Variants in KIF20B observed in about 807,000 individuals in gnomAD.
The protein encoded by KIF20B is kinesin family member 20B, also known as kinesin-like protein KIF20B.
KIF20B carries 188 observed loss-of-function variants against 232.5 expected under a neutral mutation model. The ratio of observed to expected loss-of-function variants is 0.81; its 90% CI spans 0.72 to 0.91. KIF20B has a LOEUF of 0.91. Among genes scored for constraint, KIF20B ranks in the 40% least tolerant of loss-of-function variants. KIF20B has a pLI of 0.00. For synonymous variants in KIF20B, 712 were observed against 683.0 expected (o/e 1.04, Z -0.66); for missense variants, 2,154 against 2,055.9 (o/e 1.05, Z -0.92).
intron 29 of KIF20B, among the ~76,000 whole-genome samples, chr10:89,765,387 G>A (rs948222009): frequency 3.9e-5 from 6 of 152,100 alleles, no homozygotes; most frequent in Non-Finnish European, 5.9e-5. Flanking sequence ...AATAAAAGTG[G>A]ATACAAACAA....
chr10:89,714,036 C>A lies in KIF20B; in HGVS notation c.676-11C>A. On this transcript the variant is annotated splice_polypyrimidine_tract_variant and intron_variant, in intron 6 of 32. Transcript: ENST00000371728. Reference sequence around the variant, plus strand: ...TGTTTTTTTAATTTTTTAAAACAATCTTTTTTTTAGGTTACTGTGCATAAT... The same window carrying A: ...TGTTTTTTTAATTTTTTAAAACAATATTTTTTTTAGGTTACTGTGCATAAT... 2.2e-6 allele frequency: 3 copies of A among 1,348,178 alleles called. No individual in the cohort carries two copies. The highest frequency in any genetic ancestry group is 3.0e-6 in the Non-Finnish European group (3 of 994,998). The allele number at this position is 1,348,178 out of a possible 1,614,324, so 83.5% of individuals were successfully genotyped here.
chr10:89,752,595 T>C lies in KIF20B; in HGVS notation c.4251T>C (p.Asn1417=). 6.2e-7 allele frequency: 1 copy of C among 1,603,632 alleles called. No individual in the cohort carries two copies. Among genetic ancestry groups the C allele is most frequent in the East Asian group, 2.3e-5 (1 of 44,226 alleles). Residue 1417 remains asparagine, a synonymous_variant, in exon 25 of 33, where the codon AAT becomes AAC. Transcript: ENST00000371728. ...TGGAAAAATGGAAGGAAAAATGCAA[T>C]GATTTGGAAACCAAAAACAATCAAA... ...TELEKWKEKC[N]DLETKNNQRS...
intron 23 of KIF20B, among the ~76,000 whole-genome samples, chr10:89,749,729 TGTATCCGTACTTTATTCCTTG>T (rs1589875017): frequency 6.6e-6 from 1 of 152,218 alleles, no homozygotes; most frequent in East Asian, 1.9e-4. Context: ...ATATTGTGTA[TGTATCCGTACTTTATTCCTTG>T]CTATGGCTGA....
At chr10:89,722,832 A>G (rs1843095758) in intron 13 of KIF20B, among the ~76,000 whole-genome samples, 1 of 152,130 alleles carries the variant, frequency 6.6e-6, no homozygotes, top group African/African-American at 2.4e-5. Flanking sequence ...AAGAAAATCT[A>G]AATATAAAGA....
chr10:89,744,629 A>G (rs1841873184), intron 22 of KIF20B, among the ~76,000 whole-genome samples: 1 of 152,202 alleles, frequency 6.6e-6, no homozygotes, highest in Non-Finnish European at 1.5e-5. Context: ...TTTAAAAATG[A>G]TATTTAAAAG....
At chr10:89,711,604 A>G (rs1842838462) in intron 6 of KIF20B, among the ~76,000 whole-genome samples, 1 of 151,988 alleles carries the variant, frequency 6.6e-6, no homozygotes, top group Admixed American at 6.5e-5. Flanking sequence ...AGAGCTTTCT[A>G]TCTGTATATA....
At position 89,738,002 on chromosome 10, in the gene KIF20B, A is replaced by G. The variant is rs1296038031; in HGVS notation, c.3161A>G (p.His1054Arg). ...GAACCCAATAGGGAAAATTCTTTCCACTCTAGTATTGAAGCTATTTGGGAA... is the reference window on the plus strand; with the variant it reads ...GAACCCAATAGGGAAAATTCTTTCCGCTCTAGTATTGAAGCTATTTGGGAA... The part of the protein sequence containing the change: ...IQEPNRENSF[H>R]SSIEAIWEEC... The change falls in exon 20 of 33, where the codon CAC becomes CGC. Residue 1054 changes from histidine (H) to arginine (R), a missense_variant. His to Arg is a conservative substitution (Grantham distance 29). Coordinates refer to ENST00000371728, the MANE Select transcript of KIF20B (RefSeq NM_001284259.2). 6.2e-7 allele frequency: 1 copy of G among 1,613,168 alleles called. No homozygotes were observed. Among genetic ancestry groups the G allele is most frequent in the South Asian group, 1.1e-5 (1 of 90,958 alleles).
At chr10:89,765,039 T>G (rs911209555) in intron 29 of KIF20B, among the ~76,000 whole-genome samples, 3 of 151,720 alleles carry the variant, frequency 2.0e-5, no homozygotes, top group African/African-American at 7.3e-5. Flanking sequence ...GGTCTAACGT[T>G]TAAGTCTTTA....
chr10:89,755,107 G>A (rs537241640), intron 26 of KIF20B, among the ~76,000 whole-genome samples: 1 of 152,312 alleles, frequency 6.6e-6, no homozygotes, highest in South Asian at 2.1e-4. Context: ...TGTAGGTCTT[G>A]TAATGATTGT....
chr10:89,710,192 C>A, intron 5 of KIF20B, 127 bp downstream of exon 5: 7 of 721,002 alleles, frequency 9.7e-6, no homozygotes, highest in East Asian at 3.1e-5. Context: ...TTTAATAGTA[C>A]TAGCATATTA....
At chr10:89,727,258 C>T (rs201756064) in intron 16 of KIF20B, among the ~76,000 whole-genome samples, 51 of 131,728 alleles carry the variant, frequency 3.9e-4, no homozygotes, top group African/African-American at 1.0e-3. Context: ...TCTTCCCCCC[C>T]CCTTTTTTTT....
intron 9 of KIF20B, among the ~76,000 whole-genome samples, chr10:89,716,787 G>A (rs1161486578): frequency 6.6e-6 from 1 of 152,112 alleles, no homozygotes; most frequent in Non-Finnish European, 1.5e-5. Flanking sequence ...CTTTCTTTAT[G>A]TCAGTATCTA....
chr10:89,710,073 T>C lies in KIF20B; in HGVS notation c.490+8T>C. On this transcript the variant is annotated splice_region_variant and intron_variant, in intron 5 of 32. Coordinates refer to ENST00000371728, the MANE Select transcript of KIF20B (RefSeq NM_001284259.2). Reference sequence around the variant, plus strand: ...AAACATATACATTTCAAGGTAAATATTGTTTTATTTTGGTTGGAAAGGATA... The same window carrying C: ...AAACATATACATTTCAAGGTAAATACTGTTTTATTTTGGTTGGAAAGGATA... The C allele has an allele frequency of 1.3e-6, 2 of 1,594,106 alleles. No individual in the cohort carries two copies. Among genetic ancestry groups the C allele is most frequent in the Non-Finnish European group, 1.7e-6 (2 of 1,173,548 alleles).
intron 23 of KIF20B, among the ~76,000 whole-genome samples, chr10:89,747,824 C>T (rs1282688073): frequency 1.3e-5 from 2 of 151,906 alleles, no homozygotes; most frequent in African/African-American, 4.8e-5. Flanking sequence ...CAGCATGTCA[C>T]ATGTATACAT....
chr10:89,764,465 C>T (rs925985126), intron 29 of KIF20B, among the ~76,000 whole-genome samples: 2 of 152,170 alleles, frequency 1.3e-5, no homozygotes, highest in African/African-American at 4.8e-5. Context: ...CCCTGGGAAT[C>T]GCCACACTGA....
rs376644821 is a variant in KIF20B at position 89,725,123 on chromosome 10, G to A, written c.1966G>A (p.Ala656Thr). ...TAAATGTGACACTCGAGAAGAAGCA[G>A]CGAAAGACATTTGTGCCACAAAAGT... ...VGKCDTREEA[A>T]KDICATKVET... Residue 656 changes from alanine to threonine, a missense_variant, in exon 15 of 33, where the codon GCG becomes ACG. Coordinates refer to ENST00000371728, the MANE Select transcript of KIF20B (RefSeq NM_001284259.2). 1 of 1,613,986 alleles carries A rather than the reference G, an allele frequency of 6.2e-7. No homozygotes were observed.
intron 2 of KIF20B, among the ~76,000 whole-genome samples, chr10:89,707,936 C>G (rs903869493): frequency 6.6e-6 from 1 of 152,122 alleles, no homozygotes; most frequent in African/African-American, 2.4e-5. Context: ...TTCATTTATT[C>G]TTTTAATATG....
chr10:89,702,107 CTGT>C (rs1173331108), intron 1 of KIF20B, among the ~76,000 whole-genome samples: 2 of 152,142 alleles, frequency 1.3e-5, no homozygotes, highest in Admixed American at 6.5e-5. Context: ...GTTGTTGCTT[CTGT>C]TGTTGTTGAG....
chr10:89,750,672 C>T (rs970285067), intron 23 of KIF20B, among the ~76,000 whole-genome samples: 3 of 152,116 alleles, frequency 2.0e-5, no homozygotes, highest in Non-Finnish European at 4.4e-5. Context: ...CTGATCTTCC[C>T]TCTTTATCCG....
Sources: allele counts gnomAD v4.1 joint callset (sites outside exome capture counted in the v4.1 genomes callset), GRCh38; gene constraint gnomAD v4.1.1; transcripts MANE v1.5; gene names NCBI Gene and HGNC (gene_info 2026-07-23, HGNC 2026-07-21).